Variants in SHF observed in about 807,000 individuals in gnomAD.
SHF encodes SH2 domain-containing adapter protein F.
A neutral mutation model predicts 42.4 loss-of-function variants in SHF; 30 were observed. The ratio of observed to expected loss-of-function variants is 0.71; its 90% CI spans 0.53 to 0.96. The LOEUF is 0.96. Ranked by LOEUF, SHF falls within the 40% of genes least tolerant of loss-of-function variation. The pLI is 0.00. For synonymous variants in SHF, 264 were observed against 269.9 expected, an observed-to-expected ratio of 0.98 and a Z score of 0.21; for missense variants, 598 against 634.0, an observed-to-expected ratio of 0.94 and a Z score of 0.61.
At chr15:45,172,366 C>T in intron 4 of SHF, 48 bp from the exon 5 acceptor site, 3 of 1,500,320 alleles carry the variant, frequency 2.0e-6, no homozygotes, top group Non-Finnish European at 2.7e-6. Context: ...TAGAGGTCCT[C>T]AGAGGTCCCT....
intron 1 of SHF, 74 bp from the exon 2 acceptor site, chr15:45,178,380 C>A (rs1897939736): frequency 1.3e-6 from 2 of 1,534,766 alleles, no homozygotes; most frequent in East Asian, 2.3e-5. Context: ...GGTACTCTGT[C>A]CATGGGAGCA....
chr15:45,173,719 G>A lies in SHF; in HGVS notation c.848-3C>T. 2.6e-6 allele frequency: 4 copies of A among 1,551,858 alleles called. No individual in the cohort carries two copies. The highest frequency in any genetic ancestry group is 3.5e-6 in the Non-Finnish European group (4 of 1,147,028). On this transcript the variant is annotated splice_polypyrimidine_tract_variant and splice_region_variant and intron_variant, in intron 3 of 6. Transcript: ENST00000690270. ...GTCTTTGATGACCTTAATGTCAACTGGAGCCAGCAGCAGAAGTGAGAAGAG... is the reference window on the plus strand; with the variant it reads ...GTCTTTGATGACCTTAATGTCAACTAGAGCCAGCAGCAGAAGTGAGAAGAG...
chr15:45,190,316 G>T (rs1898678240), upstream of SHF, among the ~76,000 whole-genome samples: 1 of 152,202 alleles, frequency 6.6e-6, no homozygotes, highest in African/African-American at 2.4e-5. Context: ...AAATAGAGAA[G>T]AATGGTCCAG....
intron 1 of SHF, among the ~76,000 whole-genome samples, chr15:45,178,862 G>A (rs1032145734): frequency 6.6e-6 from 1 of 152,192 alleles, no homozygotes; most frequent in Non-Finnish European, 1.5e-5. Context: ...CACTAATTTT[G>A]TGCCTCTAGG....
intron 3 of SHF, 117 bp from the exon 4 acceptor site, chr15:45,173,833 G>A: frequency 1.1e-6 from 1 of 903,930 alleles, no homozygotes. Flanking sequence ...AATGAGGAGG[G>A]GCAGAGGCAG....
chr15:45,175,545 G>A, intron 2 of SHF, 120 bp from the exon 3 acceptor site: 8 of 980,820 alleles, frequency 8.2e-6, no homozygotes, highest in Admixed American at 2.7e-5. Context: ...CTGGCTCTGG[G>A]GGGAGCTCAG....
chr15:45,200,365 A>G (rs752384782), intron 1 of SHF: 68 of 193,786 alleles, frequency 3.5e-4, no homozygotes, highest in Non-Finnish European at 5.4e-4. Flanking sequence ...TTAAAAACGG[A>G]TTGGTACAAT....
At position 45,187,667 on chromosome 15, in the gene SHF, G is replaced by T. The variant is rs972429192; in HGVS notation, c.285C>A (p.Ala95=). The T allele has an allele frequency of 7.3e-6, 9 of 1,225,324 alleles. No homozygotes were observed. In the East Asian group the frequency reaches 2.5e-4, roughly 35 times the overall value. 75.9% of individuals were successfully genotyped at this position (1,225,324 alleles called of 1,614,324 possible). The change falls in exon 1 of 7, where the codon GCC becomes GCA. Residue 95 remains alanine (A), a synonymous_variant. Coordinates refer to ENST00000690270, the MANE Select transcript of SHF (RefSeq NM_001394037.1). ...APPAPPPDIL[A]AYRLQRERDF... is the part of the protein sequence containing the mutation. The stretch of plus-strand genomic sequence containing the variant: ...CGCGCTCCCGCTGCAGCCTGTAGGC[G>T]GCCAGGATGTCCGGGGGCGGCGCGG...
At chr15:45,174,317 T>C (rs939380115) in intron 3 of SHF, 2 of 161,386 alleles carry the variant, frequency 1.2e-5, no homozygotes, top group African/African-American at 2.4e-5. Flanking sequence ...ATGACGAGCA[T>C]AGATTTTCCC....
At chr15:45,189,389 C>CTTTTTTTT (rs11309833), upstream of SHF, among the ~76,000 whole-genome samples, 1 of 46,760 alleles carries the variant, frequency 2.1e-5, no homozygotes, top group South Asian at 1.7e-3. Flanking sequence ...TCATGTCTGC[C>CTTTTTTTT]TTTTTTTTTT....
intron 1 of SHF, 36 bp downstream of exon 1, chr15:45,187,418 T>A: frequency 1.6e-6 from 2 of 1,231,572 alleles, no homozygotes; most frequent in Non-Finnish European, 2.0e-6. Flanking sequence ...CTGACCGCCT[T>A]CCCTCCTGGC....
At position 45,167,546 on chromosome 15, in the gene SHF, G is replaced by A. The variant is rs1897290405; in HGVS notation, c.*401C>T. On this transcript the variant is annotated 3_prime_UTR_variant, in exon 7 of 7. Transcript: ENST00000690270. ...GGAAGTCGGGGACGGAGGCAGAGAG[G>A]TGGTAAGGCGCCCCAAGGGGCCGAA... 1 of 156,514 alleles carries A rather than the reference G, an allele frequency of 6.4e-6. No individual in the cohort carries two copies. The highest frequency in any genetic ancestry group is 2.4e-5 in the African/African-American group (1 of 41,666). 9.7% of individuals were successfully genotyped at this position (156,514 alleles called of 1,614,324 possible).
chr15:45,188,305 G>A (rs1023840415), upstream of SHF, among the ~76,000 whole-genome samples: 1 of 152,214 alleles, frequency 6.6e-6, no homozygotes, highest in African/African-American at 2.4e-5. Context: ...GAGACGCAAA[G>A]AGGGGAGCCC....
rs375924189 is a variant in SHF at position 45,171,935 on chromosome 15, A to G, written c.1228T>C (p.Tyr410His). The G allele has an allele frequency of 1.8e-5, 29 of 1,613,720 alleles. No individual in the cohort carries two copies. Among genetic ancestry groups the G allele is most frequent in the Non-Finnish European group, 2.5e-5 (29 of 1,179,862 alleles). Reference protein sequence around the residue: ...NLLRLCKEASYLVRNSETSKN... With the variant: ...NLLRLCKEASHLVRNSETSKN... ...CTGGTCTCACTGTTGCGCACCAGGT[A>G]GCTGGCCTCTTTGCACAGCCGGAGC... Residue 410 changes from tyrosine (Y) to histidine (H), a missense_variant, in exon 6 of 7, where the codon TAC (tyrosine) becomes CAC (histidine). Around this residue, in one of 2 missense-constraint regions of SHF, gnomAD observed 439 missense variants for 524.6 expected, o/e 0.84. Transcript: ENST00000690270.
intron 6 of SHF, among the ~76,000 whole-genome samples, chr15:45,168,395 A>C (rs536337784): frequency 6.6e-6 from 1 of 152,312 alleles, no homozygotes; most frequent in South Asian, 2.1e-4. Flanking sequence ...GGGTGTGTGC[A>C]GGTGGAAACT....
chr15:45,185,209 TC>T (rs1366605339), intron 1 of SHF, among the ~76,000 whole-genome samples: 5 of 152,098 alleles, frequency 3.3e-5, no homozygotes, highest in African/African-American at 1.2e-4. Context: ...CCAGGCCTCA[TC>T]ACATGTCAGG....
Position 45,172,187 on chromosome 15 carries a change from C to T in SHF, c.1120G>A (p.Gly374Arg). 4.3e-6 allele frequency: 7 copies of T among 1,613,912 alleles called. No individual in the cohort carries two copies. Among genetic ancestry groups the T allele is most frequent in the Non-Finnish European group, 5.9e-6 (7 of 1,179,854 alleles). ...PLSMEPSSPL[G>R]EWTDPALPLE... is the part of the protein sequence containing the mutation. Reference sequence around the variant, plus strand: ...GGCAGTGCTGGATCTGTCCACTCCCCCAGGGGGCTGCTGGGCTCCATGCTT... The same window carrying T: ...GGCAGTGCTGGATCTGTCCACTCCCTCAGGGGGCTGCTGGGCTCCATGCTT... Residue 374 changes from glycine to arginine, a missense_variant, in exon 5 of 7, where the codon GGG (glycine) becomes AGG (arginine). Physicochemically the swap from Gly to Arg is moderately radical, Grantham distance 125. This residue lies in a region of SHF where 439 missense variants were observed against 524.6 expected (regional missense o/e 0.84). Coordinates refer to ENST00000690270, the MANE Select transcript of SHF (RefSeq NM_001394037.1).
At chr15:45,175,181 G>C (rs1277668180) in intron 3 of SHF, 38 bp downstream of exon 3, 1 of 1,567,132 alleles carries the variant, frequency 6.4e-7, no homozygotes, top group Non-Finnish European at 8.6e-7. Flanking sequence ...AAGCTGCTCA[G>C]AGGCCCCAGC....
upstream of SHF, among the ~76,000 whole-genome samples, chr15:45,191,747 C>T (rs907369981): frequency 2.0e-5 from 3 of 151,498 alleles, no homozygotes; most frequent in East Asian, 5.8e-4. Flanking sequence ...TATTTTCTTC[C>T]AAATTTTTTT....
Sources: allele counts gnomAD v4.1 joint callset (sites outside exome capture counted in the v4.1 genomes callset), GRCh38; gene constraint gnomAD v4.1.1; regional missense constraint gnomAD v4.1.1; transcripts MANE v1.5; gene names NCBI Gene and HGNC (gene_info 2026-07-23, HGNC 2026-07-21).